The following DIABLO variants were observed in gnomAD, a reference collection of about 807,000 sequenced individuals.
DIABLO encodes the protein diablo homolog, mitochondrial.
A neutral mutation model predicts 31.7 loss-of-function variants in DIABLO; 32 were observed. The observed-to-expected ratio is 1.01, with a 90% confidence interval of 0.76 to 1.35. The LOEUF (loss-of-function observed/expected upper bound fraction) is 1.35, where lower values mean the gene tolerates loss of function less well. DIABLO is among the 40% of genes most tolerant of loss of function. The pLI, the probability that DIABLO is intolerant of heterozygous loss-of-function variation, is 0.00. For synonymous variants in DIABLO, 132 were observed against 103.2 expected (o/e 1.28, Z -1.69); for missense variants, 316 against 286.4 (o/e 1.10, Z -0.75).
At chr12:122,226,502 G>A, upstream of DIABLO, 2 of 699,100 alleles carry the variant, frequency 2.9e-6, no homozygotes, top group Non-Finnish European at 5.2e-6. Context: ...TGTAGCTGAG[G>A]AGCACGAAGG....
intron 2 of DIABLO, 172 bp from the exon 3 acceptor site, chr12:122,218,569 T>C (rs1182866993): frequency 2.7e-6 from 2 of 730,840 alleles, no homozygotes; most frequent in East Asian, 2.8e-5. Context: ...TTTAAGACAA[T>C]ATAGAGAAAT....
chr12:122,216,317 T>C (rs780257614), intron 5 of DIABLO, among the ~76,000 whole-genome samples, 171 bp downstream of exon 5: 1 of 152,188 alleles, frequency 6.6e-6, no homozygotes, highest in Non-Finnish European at 1.5e-5. Flanking sequence ...GTTTCTATTG[T>C]GCAAATAAAA....
chr12:122,221,087 T>C (rs966204321), intron 2 of DIABLO: 1 of 152,164 alleles, frequency 6.6e-6, no homozygotes, highest in Non-Finnish European at 1.5e-5. Flanking sequence ...TCTGTACCCT[T>C]CCCATTATGC....
In DIABLO at chr12:122,208,376, G is replaced by A; in HGVS notation, c.*5C>T. On this transcript the variant is annotated 3_prime_UTR_variant, in exon 6 of 6. Coordinates refer to ENST00000464942, the MANE Select transcript of DIABLO (RefSeq NM_001371333.1). ...GTGGGGAGACAGGGCAGTGTGCTCAGGCCCTCAATCCTCACGCAGGTAGGC... is the reference window on the plus strand; with the variant it reads ...GTGGGGAGACAGGGCAGTGTGCTCAAGCCCTCAATCCTCACGCAGGTAGGC... The A allele has an allele frequency of 1.2e-6, 2 of 1,611,690 alleles. No individual in the cohort carries two copies. Among genetic ancestry groups the A allele is most frequent in the Non-Finnish European group, 1.7e-6 (2 of 1,179,994 alleles).
chr12:122,227,247 A>C (rs1954496925), upstream of DIABLO: 1 of 394,100 alleles, frequency 2.5e-6, no homozygotes, highest in Non-Finnish European at 5.2e-6. Context: ...TAAGAACCCC[A>C]CACCAGCTCA....
intron 5 of DIABLO, among the ~76,000 whole-genome samples, chr12:122,209,295 G>C (rs115613666): frequency 5.9e-5 from 9 of 151,768 alleles, no homozygotes; most frequent in Non-Finnish European, 1.0e-4. Context: ...CCCGGGAGGC[G>C]AAGGCTGAAG....
chr12:122,216,588 T>TATAA lies in DIABLO; in HGVS notation c.427-8_427-5dup. ...ACTCTTGGTGTTTTGAAGTCATCTA[T>TATAA]ATAAATCAAGCAAAGTGCTTCAGAC... is the stretch of plus-strand genomic sequence containing the variant. On this transcript the variant is annotated splice_region_variant and splice_polypyrimidine_tract_variant and intron_variant, in intron 4 of 5. Coordinates refer to ENST00000464942, the MANE Select transcript of DIABLO (RefSeq NM_001371333.1). 2.5e-6 allele frequency: 4 copies of TATAA among 1,614,090 alleles called. No homozygotes were observed. Among genetic ancestry groups the TATAA allele is most frequent in the South Asian group, 1.1e-5 (1 of 91,086 alleles).
In DIABLO at chr12:122,208,618, G is replaced by C. The variant is rs375069899; in HGVS notation, c.524-41C>G. 8.1e-6 allele frequency: 13 copies of C among 1,595,150 alleles called. No individual in the cohort carries two copies. In the African/African-American group the frequency reaches 1.1e-4, roughly 13 times the overall value. ...ACAATCGGGTTGAGCAGCCGTGCAG[G>C]GCGCGGAAGGCTCATGTGGACGTTG... On this transcript the variant is annotated intron_variant, in intron 5 of 5. Transcript: ENST00000464942.
upstream of DIABLO, chr12:122,227,239 A>G (rs1421914794): frequency 2.6e-6 from 1 of 386,396 alleles, no homozygotes; most frequent in Non-Finnish European, 5.3e-6. Context: ...TCAGACAGTA[A>G]GAACCCCACA....
chr12:122,209,932 C>G, intron 5 of DIABLO: 1 of 630,398 alleles, frequency 1.6e-6, no homozygotes, highest in South Asian at 1.8e-5. Flanking sequence ...CATAATTGTA[C>G]TTAGATTCGA....
intron 5 of DIABLO, among the ~76,000 whole-genome samples, chr12:122,212,618 T>C (rs1954112259): frequency 7.1e-6 from 1 of 141,210 alleles, no homozygotes; most frequent in East Asian, 2.3e-4. Flanking sequence ...TGTTCGCTTA[T>C]TTATTTATTT....
chr12:122,211,076 G>GGA (rs1954076243), intron 5 of DIABLO, among the ~76,000 whole-genome samples: 1 of 3,266 alleles, frequency 3.1e-4, no homozygotes, highest in Non-Finnish European at 7.7e-4. Flanking sequence ...TTAGTTAAAA[G>GGA]TAAAAAAAAA....
chr12:122,226,723 T>C, upstream of DIABLO: 1 of 577,306 alleles, frequency 1.7e-6, no homozygotes, highest in Admixed American at 3.1e-5. Context: ...GGACGCTCGC[T>C]TCTCGGTTAC....
At chr12:122,212,584 CTT>C (rs1425655455) in intron 5 of DIABLO, among the ~76,000 whole-genome samples, 1 of 151,220 alleles carries the variant, frequency 6.6e-6, no homozygotes, top group African/African-American at 2.4e-5. Flanking sequence ...TGCTCTGAAT[CTT>C]TTTGTTATGC....
At chr12:122,208,617 G>C (rs746221208) in intron 5 of DIABLO, 40 bp from the exon 6 acceptor site, 164 of 1,596,368 alleles carry the variant, frequency 1.0e-4, no homozygotes, top group Middle Eastern at 3.3e-4. Context: ...CAGCCGTGCA[G>C]GGCGCGGAAG....
At position 122,210,671 on chromosome 12, in the gene DIABLO, G is replaced by A. The variant is rs972825420; in HGVS notation, c.524-2094C>T. Reference sequence around the variant, plus strand: ...TGGGATTACAGGCGTGAGCCACCGCGCCCAGGTGATATATCAACTTTTTAA... The same window carrying A: ...TGGGATTACAGGCGTGAGCCACCGCACCCAGGTGATATATCAACTTTTTAA... On this transcript the variant is annotated intron_variant, in intron 5 of 5. Coordinates refer to ENST00000464942, the MANE Select transcript of DIABLO (RefSeq NM_001371333.1). Among the ~76,000 whole-genome samples the A allele has an allele frequency of 7.2e-5, 11 of 152,070 alleles. No individual in the cohort carries two copies. In the East Asian group the frequency reaches 7.8e-4, roughly 11 times the overall value.
Position 122,225,961 on chromosome 12 carries a change from G to A in DIABLO, c.50+4C>T. The stretch of plus-strand genomic sequence containing the variant: ...CTGTCCCCTCTACGCGGCCGCAGCG[G>A]TACCTGAAGAATGAAGTTACGCTGC... On this transcript the variant is annotated splice_donor_region_variant and intron_variant, in intron 1 of 5. Transcript: ENST00000464942. 6.3e-7 allele frequency: 1 copy of A among 1,592,960 alleles called. No homozygotes were observed. Among genetic ancestry groups the A allele is most frequent in the South Asian group, 1.1e-5 (1 of 88,158 alleles).
At position 122,208,182 on chromosome 12, in the gene DIABLO, A is replaced by G; in HGVS notation, c.*199T>C. ...AAATGTTAAACAGGGTGCAGTGCCC[A>G]AGGGCTAAGAACCAGGTCCAGCGCA... On this transcript the variant is annotated 3_prime_UTR_variant, in exon 6 of 6. Coordinates refer to ENST00000464942, the MANE Select transcript of DIABLO (RefSeq NM_001371333.1). 1 of 718,956 alleles carries G rather than the reference A, an allele frequency of 1.4e-6. No individual in the cohort carries two copies. Among genetic ancestry groups the G allele is most frequent in the Non-Finnish European group, 2.5e-6 (1 of 403,518 alleles). 44.5% of individuals were successfully genotyped at this position (718,956 alleles called of 1,614,324 possible).
At position 122,224,554 on chromosome 12, in the gene DIABLO, C is replaced by A; in HGVS notation, c.141G>T (p.Thr47=). 6.2e-7 allele frequency: 1 copy of A among 1,613,910 alleles called. No individual in the cohort carries two copies. The highest frequency in any genetic ancestry group is 8.5e-7 in the Non-Finnish European group (1 of 1,180,006). Residue 47 remains threonine (T), a synonymous_variant, in exon 2 of 6, where the codon ACG becomes ACT. Transcript: ENST00000464942. The part of the protein sequence containing the change: ...ELIRPWHKTV[T]IGFGVTLCAV... ...CACACAGGGTTACTCCAAAGCCAAT[C>A]GTCACAGTTTTGTGCCATGGTCTTA...
Sources: allele counts gnomAD v4.1 joint callset (sites outside exome capture counted in the v4.1 genomes callset), GRCh38; gene constraint gnomAD v4.1.1; transcripts MANE v1.5; gene names NCBI Gene and HGNC (gene_info 2026-07-23, HGNC 2026-07-21).